ST8SIA2: variants seen among roughly 807,000 people sequenced by gnomAD.
ST8SIA2 encodes the protein ST8 alpha-N-acetyl-neuraminide alpha-2,8-sialyltransferase 2.
A neutral mutation model predicts 37.6 loss-of-function variants in ST8SIA2; 22 were observed. The observed-to-expected ratio is 0.58, with a 90% CI of 0.42 to 0.83. ST8SIA2 has a LOEUF of 0.83. Among genes scored for constraint, ST8SIA2 ranks in the 40% least tolerant of loss-of-function variants. The pLI, the probability that ST8SIA2 is intolerant of heterozygous loss-of-function variation, is 0.00. For synonymous variants in ST8SIA2, 205 were observed against 201.2 expected, an observed-to-expected ratio of 1.02 and a Z score of -0.16; for missense variants, 382 against 484.7, an observed-to-expected ratio of 0.79 and a Z score of 1.99.
At chr15:92,394,721 C>A (rs1391409309) in intron 1 of ST8SIA2, among the ~76,000 whole-genome samples, 1 of 152,140 alleles carries the variant, frequency 6.6e-6, no homozygotes, top group Non-Finnish European at 1.5e-5. Flanking sequence ...CCCGCCGGCC[C>A]GGGAGCCCGG....
chr15:92,411,681 C>A (rs1322868228), intron 1 of ST8SIA2, among the ~76,000 whole-genome samples: 1 of 152,100 alleles, frequency 6.6e-6, no homozygotes, highest in African/African-American at 2.4e-5. Context: ...TAGGTACAGC[C>A]ACTGAGGCCC....
chr15:92,459,656 A>G (rs1234088965), intron 5 of ST8SIA2, among the ~76,000 whole-genome samples: 1 of 152,106 alleles, frequency 6.6e-6, no homozygotes, highest in Non-Finnish European at 1.5e-5. Context: ...CTGGAGGGCA[A>G]TGGCGCAGTC....
At chr15:92,413,070 G>C (rs1028009224) in intron 1 of ST8SIA2, among the ~76,000 whole-genome samples, 4 of 152,104 alleles carry the variant, frequency 2.6e-5, no homozygotes, top group African/African-American at 7.2e-5. Context: ...GTGTGCGTTT[G>C]TTTCATGTCC....
chr15:92,413,424 C>T (rs889499336), intron 1 of ST8SIA2, among the ~76,000 whole-genome samples: 2 of 152,116 alleles, frequency 1.3e-5, no homozygotes, highest in African/African-American at 4.8e-5. Context: ...GAGCTAGGGA[C>T]CATACCGAAG....
Position 92,447,931 on chromosome 15 carries a change from AAGG to A in ST8SIA2, c.842+3007_842+3009del, listed in dbSNP as rs568921630. 1.1e-3 allele frequency among the ~76,000 whole-genome samples: 175 copies of A among 152,270 alleles called. 1 individual carries two copies. The highest frequency in any genetic ancestry group is 3.9e-3 in the African/African-American group (163 of 41,542). ...AATATTAAATATCGTTCCTTCCTAGAAGGAGGAAACTCTTGAGATGGTTCTGGA... is the reference window on the plus strand; with the variant it reads ...AATATTAAATATCGTTCCTTCCTAGAAGGAAACTCTTGAGATGGTTCTGGA... On this transcript the variant is annotated intron_variant, in intron 5 of 5. Transcript: ENST00000268164.
At chr15:92,413,370 A>T (rs1274478527) in intron 1 of ST8SIA2, among the ~76,000 whole-genome samples, 1 of 152,148 alleles carries the variant, frequency 6.6e-6, no homozygotes, top group Non-Finnish European at 1.5e-5. Context: ...CACCCTTCTG[A>T]AGGAGTGAGG....
At position 92,411,283 on chromosome 15, in the gene ST8SIA2, A is replaced by G. The variant is rs145394737; in HGVS notation, c.98+17121A>G. On this transcript the variant is annotated intron_variant, in intron 1 of 5. Transcript: ENST00000268164. Reference sequence around the variant, plus strand: ...TGGGACCCTTGAAGTGCTTTGACCAAAGGTATGTGCAGACGATGCATCAGT... The same window carrying G: ...TGGGACCCTTGAAGTGCTTTGACCAGAGGTATGTGCAGACGATGCATCAGT... 2.6e-4 allele frequency among the ~76,000 whole-genome samples: 39 copies of G among 152,318 alleles called. No individual in the cohort carries two copies. The East Asian group carries it at 4.0e-3, about 16-fold the overall frequency.
chr15:92,394,449 C>T (rs978364587), intron 1 of ST8SIA2, among the ~76,000 whole-genome samples: 1 of 152,070 alleles, frequency 6.6e-6, no homozygotes, highest in African/African-American at 2.4e-5. Context: ...CCCTGCCTGG[C>T]GTGTCCAAGC....
intron 1 of ST8SIA2, among the ~76,000 whole-genome samples, chr15:92,423,151 A>G (rs1340386339): frequency 6.6e-6 from 1 of 152,252 alleles, no homozygotes; most frequent in Non-Finnish European, 1.5e-5. Flanking sequence ...GTAAAGAGGG[A>G]GAGTTTTTGC....
chr15:92,438,744 C>T, intron 4 of ST8SIA2, 134 bp downstream of exon 4: 4 of 1,276,690 alleles, frequency 3.1e-6, no homozygotes, highest in Non-Finnish European at 3.1e-6. Context: ...ACCATGACTG[C>T]TCATCAGAAT....
intron 1 of ST8SIA2, among the ~76,000 whole-genome samples, chr15:92,418,793 A>AT (rs1279040633): frequency 6.6e-6 from 1 of 152,178 alleles, no homozygotes; most frequent in African/African-American, 2.4e-5. Flanking sequence ...AAAAATCACA[A>AT]TTTTTAATTG....
rs1368967750 is a variant in ST8SIA2, at chr15:92,400,276, C to G, written c.98+6114C>G. Among the ~76,000 whole-genome samples the G allele has an allele frequency of 2.0e-5, 3 of 152,188 alleles. No individual in the cohort carries two copies. In the South Asian group the frequency reaches 6.2e-4, roughly 32 times the overall value. On this transcript the variant is annotated intron_variant, in intron 1 of 5. Transcript: ENST00000268164. ...CATCATGCAGCACCCCATGGACATG[C>G]ATTTCACAATTATATTTTATTTATC... is the stretch of plus-strand genomic sequence containing the variant.
At chr15:92,454,383 A>G (rs968620320) in intron 5 of ST8SIA2, among the ~76,000 whole-genome samples, 1 of 151,996 alleles carries the variant, frequency 6.6e-6, no homozygotes, top group Admixed American at 6.6e-5. Flanking sequence ...TTTTAACTTC[A>G]TTACTTCCGT....
rs1458616830 is a variant in ST8SIA2 at position 92,464,390 on chromosome 15, G to A, written c.*5G>A. On this transcript the variant is annotated 3_prime_UTR_variant, in exon 6 of 6. Transcript: ENST00000268164. ...CAGTGCGATGGGGCCACGTAGGGTG[G>A]GCACCCCATGGGACTCAGTGGCTCA... 1 of 1,613,168 alleles carries A rather than the reference G, an allele frequency of 6.2e-7. No homozygotes were observed. The highest frequency in any genetic ancestry group is 8.5e-7 in the Non-Finnish European group (1 of 1,180,028).
At position 92,465,225 on chromosome 15, in the gene ST8SIA2, CT is replaced by C. The variant is rs1784545510; in HGVS notation, c.*841del. On this transcript the variant is annotated 3_prime_UTR_variant, in exon 6 of 6. Transcript: ENST00000268164. ...AGGCAGGAGAGTGTCTAAAATCTAGCTGCTTTGGGTGTTTTTTAAAGCAATG... is the reference window on the plus strand; with the variant it reads ...AGGCAGGAGAGTGTCTAAAATCTAGCGCTTTGGGTGTTTTTTAAAGCAATG... 6.6e-6 allele frequency: 1 copy of C among 152,280 alleles called. No homozygotes were observed. The highest frequency in any genetic ancestry group is 2.1e-4 in the South Asian group (1 of 4,812). 9.4% of individuals were successfully genotyped at this position (152,280 alleles called of 1,614,324 possible).
intron 4 of ST8SIA2, among the ~76,000 whole-genome samples, chr15:92,439,767 G>A (rs1226900137): frequency 1.3e-5 from 2 of 152,098 alleles, no homozygotes; most frequent in Non-Finnish European, 2.9e-5. Context: ...AAGCCCTTTA[G>A]CCTAAAGACT....
chr15:92,451,844 G>C lies in ST8SIA2; in HGVS notation c.842+6915G>C, dbSNP rs984734989. ...CCACGGCTGGTTAGGGACAGATCCA[G>C]GTCTCCTCCCTGCTCCTGATCACCA... On this transcript the variant is annotated intron_variant, in intron 5 of 5. Transcript: ENST00000268164. Among the ~76,000 whole-genome samples the C allele has an allele frequency of 3.9e-5, 6 of 152,124 alleles. No homozygotes were observed. The East Asian group carries it at 1.2e-3, about 29-fold the overall frequency.
intron 2 of ST8SIA2, among the ~76,000 whole-genome samples, chr15:92,432,681 G>A (rs8037621): frequency 0.013 from 1,938 of 152,206 alleles, 51 homozygotes; most frequent in African/African-American, 0.044. Flanking sequence ...CTCAAAACTC[G>A]TCAATTCTCT....
In ST8SIA2 at chr15:92,404,251, C is replaced by G. The variant is rs542351487; in HGVS notation, c.98+10089C>G. Reference sequence around the variant, plus strand: ...AGACCTTTGGAGCAACTGAGAGCTACTCTTGGAAGATTAAGGCTCCAGTCT... The same window carrying G: ...AGACCTTTGGAGCAACTGAGAGCTAGTCTTGGAAGATTAAGGCTCCAGTCT... On this transcript the variant is annotated intron_variant, in intron 1 of 5. Transcript: ENST00000268164. Among the ~76,000 whole-genome samples the G allele has an allele frequency of 1.3e-3, 200 of 152,340 alleles. 2 individuals carry two copies. Among genetic ancestry groups the G allele is most frequent in the African/African-American group, 4.7e-3 (194 of 41,572 alleles).
Sources: allele counts gnomAD v4.1 joint callset (sites outside exome capture counted in the v4.1 genomes callset), GRCh38; gene constraint gnomAD v4.1.1; transcripts MANE v1.5; gene names NCBI Gene and HGNC (gene_info 2026-07-23, HGNC 2026-07-21).